The following TMTC2 variants were observed in gnomAD, a reference collection of about 807,000 sequenced individuals.
The protein encoded by TMTC2 is transmembrane O-mannosyltransferase targeting cadherins 2.
A neutral mutation model predicts 82.4 loss-of-function variants in TMTC2; 43 were observed. The observed-to-expected ratio is 0.52, with a 90% CI of 0.41 to 0.67. The LOEUF is 0.67. Among genes scored for constraint, TMTC2 ranks in the 30% least tolerant of loss-of-function variants. The pLI is 0.00. For synonymous variants in TMTC2, 408 were observed against 381.9 expected (o/e 1.07, Z -0.80); for missense variants, 919 against 1,012.4 (o/e 0.91, Z 1.25).
At chr12:82,908,211 G>A (rs1874428891) in intron 3 of TMTC2, among the ~76,000 whole-genome samples, 1 of 152,032 alleles carries the variant, frequency 6.6e-6, no homozygotes, top group South Asian at 2.1e-4. Context: ...CATCATATTT[G>A]TATAGTTTAA....
rs542292089 is a variant in TMTC2, at chr12:82,828,438, G to C, written c.84-28572G>C. On this transcript the variant is annotated intron_variant, in intron 1 of 11. Coordinates refer to ENST00000321196, the MANE Select transcript of TMTC2 (RefSeq NM_152588.3). ...TGGTCTTGAACTCCTGGCCTCAAGC[G>C]ATCTGCCCACCTCAGTCCCCCAAAG... 8.6e-5 allele frequency among the ~76,000 whole-genome samples: 13 copies of C among 152,046 alleles called. No individual in the cohort carries two copies. In the South Asian group the frequency reaches 1.9e-3, roughly 22 times the overall value.
At chr12:82,758,164 T>A (rs887380017) in intron 1 of TMTC2, among the ~76,000 whole-genome samples, 10 of 152,150 alleles carry the variant, frequency 6.6e-5, no homozygotes, top group African/African-American at 2.2e-4. Flanking sequence ...CTGTCTCTAC[T>A]ATGAAAATCT....
chr12:82,994,650 G>C (rs1166829362), intron 8 of TMTC2, among the ~76,000 whole-genome samples: 3 of 148,802 alleles, frequency 2.0e-5, no homozygotes, highest in Admixed American at 2.0e-4. Context: ...AAAAAAGGCA[G>C]TCCTGTATAA....
At chr12:83,036,584 C>T (rs531927987) in intron 9 of TMTC2, among the ~76,000 whole-genome samples, 1 of 151,194 alleles carries the variant, frequency 6.6e-6, no homozygotes, top group Non-Finnish European at 1.5e-5. Context: ...AAGTGACTTC[C>T]TATTTCAGAA....
At chr12:82,741,644 T>G (rs1875415250) in intron 1 of TMTC2, among the ~76,000 whole-genome samples, 1 of 152,196 alleles carries the variant, frequency 6.6e-6, no homozygotes, top group African/African-American at 2.4e-5. Flanking sequence ...CAATCTGACC[T>G]TCTTTACCTG....
Position 82,780,808 on chromosome 12 carries a change from G to GTT in TMTC2, c.84-76192_84-76191dup, listed in dbSNP as rs553423016. Among the ~76,000 whole-genome samples, 522 of 145,472 alleles carry GTT rather than the reference G, an allele frequency of 3.6e-3. 4 individuals are homozygous for GTT. Among genetic ancestry groups the GTT allele is most frequent in the Non-Finnish European group, 4.7e-3 (312 of 65,814 alleles). On this transcript the variant is annotated intron_variant, in intron 1 of 11. Coordinates refer to ENST00000321196, the MANE Select transcript of TMTC2 (RefSeq NM_152588.3). The stretch of plus-strand genomic sequence containing the variant: ...AATTTCTCAACATGTAAGAAGTTTT[G>GTT]TTTTTTTTTTTAATTTGGCTTAATG...
In TMTC2 at chr12:83,034,499, G is replaced by C. The variant is rs1046279621; in HGVS notation, c.2152+3620G>C. On this transcript the variant is annotated intron_variant, in intron 9 of 11. Transcript: ENST00000321196. The stretch of plus-strand genomic sequence containing the variant: ...GATAAGGAGTTTTGCATTGTATTCT[G>C]AGTGTACCGGAAGGGACCATGTGGA... Among the ~76,000 whole-genome samples the C allele has an allele frequency of 4.6e-5, 7 of 152,174 alleles. No homozygotes were observed. The East Asian group carries it at 1.3e-3, about 29-fold the overall frequency.
intron 1 of TMTC2, among the ~76,000 whole-genome samples, chr12:82,740,744 T>G (rs997327582): frequency 5.9e-5 from 9 of 152,196 alleles, no homozygotes; most frequent in Admixed American, 4.6e-4. Flanking sequence ...TCAGGAAGGA[T>G]TCACAATGGC....
At chr12:83,071,268 C>A (rs1883104277) in intron 11 of TMTC2, among the ~76,000 whole-genome samples, 1 of 151,788 alleles carries the variant, frequency 6.6e-6, no homozygotes, top group East Asian at 2.0e-4. Flanking sequence ...CATTCTCCTG[C>A]CTCAGCCTCC....
At chr12:82,885,861 A>G (rs1424329651) in intron 2 of TMTC2, among the ~76,000 whole-genome samples, 1 of 152,178 alleles carries the variant, frequency 6.6e-6, no homozygotes, top group African/African-American at 2.4e-5. Context: ...CAACCAGTTC[A>G]TACTGTGCCT....
chr12:82,721,047 T>C (rs1236599862), intron 1 of TMTC2, among the ~76,000 whole-genome samples: 1 of 152,230 alleles, frequency 6.6e-6, no homozygotes, highest in Admixed American at 6.5e-5. Context: ...AGAAAGGATT[T>C]ACAAATATAA....
rs1193701738 is a variant in TMTC2 at position 82,739,729 on chromosome 12, T to A, written c.83+52060T>A. On this transcript the variant is annotated intron_variant, in intron 1 of 11. Transcript: ENST00000321196. ...GAAAGAAAAGGCCATCTGTTAGGAA[T>A]AGCTGGGTTGTAATTAAGGCAAGCG... Among the ~76,000 whole-genome samples the A allele has an allele frequency of 3.3e-5, 5 of 150,390 alleles. No individual in the cohort carries two copies. The East Asian group carries it at 9.7e-4, about 29-fold the overall frequency.
At chr12:82,828,703 C>T (rs938760732) in intron 1 of TMTC2, among the ~76,000 whole-genome samples, 9 of 152,134 alleles carry the variant, frequency 5.9e-5, no homozygotes, top group Non-Finnish European at 8.8e-5. Context: ...AGCACTCATA[C>T]TGTTAGCACT....
chr12:82,803,632 G>T (rs1172297251), intron 1 of TMTC2, among the ~76,000 whole-genome samples: 1 of 152,014 alleles, frequency 6.6e-6, no homozygotes, highest in Non-Finnish European at 1.5e-5. Context: ...CTGGAAAAGG[G>T]AAAAATGCTT....
chr12:82,846,226 C>T lies in TMTC2; in HGVS notation c.84-10784C>T, dbSNP rs141269618. On this transcript the variant is annotated intron_variant, in intron 1 of 11. Coordinates refer to ENST00000321196, the MANE Select transcript of TMTC2 (RefSeq NM_152588.3). ...ATACAAAAATTAGCCAGCATTGTGG[C>T]GCACACGTATAGTCCCAGCTACTTG... Among the ~76,000 whole-genome samples the T allele has an allele frequency of 1.8e-3, 268 of 152,026 alleles. 5 individuals carry two copies. The highest frequency in any genetic ancestry group is 6.2e-3 in the African/African-American group (257 of 41,438).
intron 4 of TMTC2, among the ~76,000 whole-genome samples, chr12:82,943,111 CTG>C (rs1463181591): frequency 6.6e-6 from 1 of 152,054 alleles, no homozygotes; most frequent in Non-Finnish European, 1.5e-5. Flanking sequence ...GAAAGTCCCT[CTG>C]TGTCAGTGTT....
intron 1 of TMTC2, among the ~76,000 whole-genome samples, chr12:82,761,111 G>A (rs1048340705): frequency 1.3e-5 from 2 of 152,120 alleles, no homozygotes; most frequent in African/African-American, 4.8e-5. Flanking sequence ...CTGCAGTAGA[G>A]AAAACAGTAA....
chr12:82,925,062 C>T (rs1875620657), intron 3 of TMTC2, among the ~76,000 whole-genome samples: 1 of 152,098 alleles, frequency 6.6e-6, no homozygotes, highest in Non-Finnish European at 1.5e-5. Flanking sequence ...GCTGTGTTTT[C>T]CTTATGTGGC....
At chr12:82,837,240 G>C (rs1471589796) in intron 1 of TMTC2, among the ~76,000 whole-genome samples, 1 of 152,160 alleles carries the variant, frequency 6.6e-6, no homozygotes, top group Non-Finnish European at 1.5e-5. Context: ...CGGACCAGTT[G>C]ATGCAAAACA....
Sources: allele counts gnomAD v4.1 joint callset (sites outside exome capture counted in the v4.1 genomes callset), GRCh38; gene constraint gnomAD v4.1.1; transcripts MANE v1.5; gene names NCBI Gene and HGNC (gene_info 2026-07-23, HGNC 2026-07-21).